TPST1: variants seen among roughly 807,000 people sequenced by gnomAD.
TPST1 encodes the protein tyrosylprotein sulfotransferase 1.
TPST1 carries 20 observed loss-of-function variants against 34.8 expected under a neutral mutation model. The ratio of observed to expected loss-of-function variants is 0.57; its 90% CI spans 0.40 to 0.84. The LOEUF (loss-of-function observed/expected upper bound fraction) is 0.84. Ranked by LOEUF, TPST1 falls within the 40% of genes least tolerant of loss-of-function variation. The probability of loss-of-function intolerance (pLI) is 0.00; values close to 1 mark genes in which losing one functional copy is unlikely to be tolerated. For synonymous variants in TPST1, 152 were observed against 159.4 expected, an observed-to-expected ratio of 0.95 and a Z score of 0.35; for missense variants, 353 against 455.5, an observed-to-expected ratio of 0.78 and a Z score of 2.05.
chr7:66,286,841 TTA>T (rs1162376343), intron 3 of TPST1, 132 bp downstream of exon 3: 78 of 312,922 alleles, frequency 2.5e-4, no homozygotes, highest in African/African-American at 2.1e-3. Flanking sequence ...TCATTTATTT[TTA>T]TTTTATTTTA....
upstream of TPST1, among the ~76,000 whole-genome samples, chr7:66,203,561 C>T (rs1005562381): frequency 6.6e-6 from 1 of 151,280 alleles, no homozygotes; most frequent in Admixed American, 6.6e-5. Flanking sequence ...TCTTGGCTCA[C>T]TGCAACCTCC....
chr7:66,317,438 A>G (rs928354547), intron 3 of TPST1, among the ~76,000 whole-genome samples: 1 of 152,182 alleles, frequency 6.6e-6, no homozygotes, highest in African/African-American at 2.4e-5. Context: ...CTGACATTCA[A>G]ATTTAACTAG....
At chr7:66,299,299 G>GTTTT (rs35066356) in intron 3 of TPST1, among the ~76,000 whole-genome samples, 2 of 124,302 alleles carry the variant, frequency 1.6e-5, no homozygotes, top group African/African-American at 3.0e-5. Context: ...ATGCTCTTAG[G>GTTTT]TTTTTTTTTT....
intron 1 of TPST1, among the ~76,000 whole-genome samples, chr7:66,224,942 A>G (rs1584148052): frequency 7.3e-5 from 5 of 68,610 alleles, no homozygotes; most frequent in South Asian, 6.1e-4. Context: ...TGTGAGATGG[A>G]GTTTCACTCT....
intron 2 of TPST1, among the ~76,000 whole-genome samples, chr7:66,280,626 A>G (rs1037599640): frequency 6.6e-6 from 1 of 152,108 alleles, no homozygotes; most frequent in African/African-American, 2.4e-5. Context: ...TACTCTATCT[A>G]GGACTTCCAG....
intron 3 of TPST1, among the ~76,000 whole-genome samples, chr7:66,297,025 C>G (rs1304268188): frequency 6.6e-6 from 1 of 152,136 alleles, no homozygotes; most frequent in Non-Finnish European, 1.5e-5. Context: ...ACACAGATTT[C>G]ACTCACAATT....
chr7:66,338,932 T>C (rs956917822), intron 3 of TPST1, among the ~76,000 whole-genome samples: 2 of 152,078 alleles, frequency 1.3e-5, no homozygotes, highest in African/African-American at 2.4e-5. Context: ...TTTTTGTTCT[T>C]TTTTTCTCCG....
At chr7:66,226,681 T>C (rs533376348) in intron 1 of TPST1, among the ~76,000 whole-genome samples, 1 of 152,374 alleles carries the variant, frequency 6.6e-6, no homozygotes, top group African/African-American at 2.4e-5. Flanking sequence ...GAATGCCTTT[T>C]AATGTTTAAT....
At chr7:66,217,638 C>A (rs550140971) in intron 1 of TPST1, among the ~76,000 whole-genome samples, 1 of 152,254 alleles carries the variant, frequency 6.6e-6, no homozygotes, top group African/African-American at 2.4e-5. Flanking sequence ...CTCTGTCGCC[C>A]AGGCTGGAGT....
chr7:66,261,248 T>TG (rs1256200581), intron 2 of TPST1, among the ~76,000 whole-genome samples: 21 of 151,762 alleles, frequency 1.4e-4, no homozygotes, highest in African/African-American at 4.8e-4. Context: ...TTTTTTTTTT[T>TG]TGGTTCTTTC....
At chr7:66,286,058 A>G (rs1411003710) in intron 2 of TPST1, among the ~76,000 whole-genome samples, 1 of 152,208 alleles carries the variant, frequency 6.6e-6, no homozygotes, top group Non-Finnish European at 1.5e-5. Context: ...CCCACCAGCT[A>G]GATTGTGCCA....
intron 2 of TPST1, among the ~76,000 whole-genome samples, chr7:66,262,913 C>T (rs1790516004): frequency 6.6e-6 from 1 of 152,074 alleles, no homozygotes; most frequent in African/African-American, 2.4e-5. Context: ...GCCTGGCCAA[C>T]ATGGTGAAAC....
chr7:66,348,475 CG>C (rs1792400930), intron 3 of TPST1, among the ~76,000 whole-genome samples: 1 of 152,138 alleles, frequency 6.6e-6, no homozygotes, highest in African/African-American at 2.4e-5. Context: ...TAAAGTTTAG[CG>C]ATTTTTTTTA....
intron 3 of TPST1, among the ~76,000 whole-genome samples, chr7:66,321,110 T>A (rs368175009): frequency 1.2e-4 from 19 of 152,288 alleles, no homozygotes; most frequent in African/African-American, 4.3e-4. Context: ...TATAGTTGAT[T>A]ACAGCAAAAG....
chr7:66,352,805 T>C (rs2116391352), intron 4 of TPST1: 1 of 985,442 alleles, frequency 1.0e-6, no homozygotes, highest in East Asian at 1.1e-4. Context: ...ACTTTATTGA[T>C]AACCAAATTC....
Position 66,359,951 on chromosome 7 carries a change from C to A in TPST1, c.*86C>A. 1 of 456,720 alleles carries A rather than the reference C, an allele frequency of 2.2e-6. No homozygotes were observed. The highest frequency in any genetic ancestry group is 2.0e-5 in the African/African-American group (1 of 50,210). 28.3% of individuals were successfully genotyped at this position (456,720 alleles called of 1,614,324 possible). A position where few individuals can be genotyped will look rare whatever the true frequency, so the allele number is the denominator to read the frequency against. On this transcript the variant is annotated 3_prime_UTR_variant, in exon 6 of 6. Coordinates refer to ENST00000304842, the MANE Select transcript of TPST1 (RefSeq NM_003596.4). ...ATTCCTAGGATTGGCTGTCCCCTGCCAAGCTTGGTGGAGCGTCTGCACCTT... is the reference window on the plus strand; with the variant it reads ...ATTCCTAGGATTGGCTGTCCCCTGCAAAGCTTGGTGGAGCGTCTGCACCTT...
At chr7:66,292,812 C>G (rs529069446) in intron 3 of TPST1, among the ~76,000 whole-genome samples, 2 of 151,088 alleles carry the variant, frequency 1.3e-5, no homozygotes. Flanking sequence ...AGAAATCACC[C>G]GTCTTCTGCG....
At chr7:66,281,176 G>A (rs751933762) in intron 2 of TPST1, among the ~76,000 whole-genome samples, 7 of 152,164 alleles carry the variant, frequency 4.6e-5, no homozygotes, top group Non-Finnish European at 8.8e-5. Flanking sequence ...CAGGGATAAA[G>A]CCTACTTGAT....
chr7:66,294,984 A>G (rs1791163589), intron 3 of TPST1, among the ~76,000 whole-genome samples: 1 of 152,242 alleles, frequency 6.6e-6, no homozygotes. Flanking sequence ...GAATGAATAA[A>G]TCAACAAACA....
Sources: allele counts gnomAD v4.1 joint callset (sites outside exome capture counted in the v4.1 genomes callset), GRCh38; gene constraint gnomAD v4.1.1; transcripts MANE v1.5; gene names NCBI Gene and HGNC (gene_info 2026-07-23, HGNC 2026-07-21).